The following MMP26 variants were observed in gnomAD, a reference collection of about 807,000 sequenced individuals.
MMP26 encodes matrix metallopeptidase 26.
Under a neutral mutation model 31.0 loss-of-function variants are expected in MMP26, and 33 were observed. The observed-to-expected ratio is 1.06, with a 90% CI of 0.81 to 1.42. The LOEUF (loss-of-function observed/expected upper bound fraction) is 1.42. Ranked by LOEUF, MMP26 falls within the 40% of genes most tolerant of loss-of-function variation. The pLI, the probability that MMP26 is intolerant of heterozygous loss-of-function variation, is 0.00. For missense variants in MMP26, 347 were observed against 316.1 expected, an observed-to-expected ratio of 1.10 and a Z score of -0.74; for synonymous variants, 122 against 114.9, an observed-to-expected ratio of 1.06 and a Z score of -0.40.
chr11:4,769,889 T>G lies in MMP26; in HGVS notation c.-145+2548T>G, dbSNP rs747986964. 8.7e-6 allele frequency: 14 copies of G among 1,610,144 alleles called. No individual in the cohort carries two copies. In the South Asian group the frequency reaches 1.3e-4, roughly 15 times the overall value. The stretch of plus-strand genomic sequence containing the variant: ...GCCGGTCAACAAGAAGGTTGGAAAT[T>G]TAGATGTTGAGTTGCTTAGGATTTC... On this transcript the variant is annotated intron_variant, in intron 2 of 7. Coordinates refer to ENST00000380390, the MANE Select transcript of MMP26 (RefSeq NM_021801.5).
chr11:4,797,615 C>G (rs371891589), intron 2 of MMP26, among the ~76,000 whole-genome samples: 6 of 152,188 alleles, frequency 3.9e-5, no homozygotes, highest in Non-Finnish European at 7.3e-5. Flanking sequence ...CTTTCCCTAA[C>G]CCCTCCCTGT....
At chr11:4,846,412 G>A (rs553388577) in intron 2 of MMP26, among the ~76,000 whole-genome samples, 39 of 152,244 alleles carry the variant, frequency 2.6e-4, no homozygotes, top group African/African-American at 8.9e-4. Flanking sequence ...GAAGGGTAGT[G>A]GGAACCTGGG....
chr11:4,731,839 C>T (rs1470701857), intron 1 of MMP26, among the ~76,000 whole-genome samples: 1 of 152,134 alleles, frequency 6.6e-6, no homozygotes, highest in Non-Finnish European at 1.5e-5. Flanking sequence ...GGTATTGTGT[C>T]TATTCACTAT....
intron 2 of MMP26, among the ~76,000 whole-genome samples, chr11:4,812,925 T>C (rs1488687832): frequency 1.3e-5 from 2 of 152,070 alleles, no homozygotes; most frequent in Non-Finnish European, 1.5e-5. Flanking sequence ...CATAGTAAAT[T>C]TGGCATCCTG....
intron 2 of MMP26, among the ~76,000 whole-genome samples, chr11:4,862,657 C>G (rs1253453735): frequency 1.3e-5 from 2 of 152,116 alleles, no homozygotes; most frequent in African/African-American, 4.8e-5. Context: ...GGGGTGAGAT[C>G]AGGCATGCAA....
chr11:4,804,075 G>A (rs750532090), intron 2 of MMP26: 1 of 1,614,082 alleles, frequency 6.2e-7, no homozygotes, highest in South Asian at 1.1e-5. Context: ...AGAACACCTG[G>A]ATGAGGCAGG....
intron 1 of MMP26, among the ~76,000 whole-genome samples, chr11:4,759,772 A>G (rs774748124): frequency 1.3e-5 from 2 of 152,204 alleles, no homozygotes; most frequent in Non-Finnish European, 2.9e-5. Flanking sequence ...ATCTAATCCA[A>G]GGACAAAAAT....
intron 1 of MMP26, among the ~76,000 whole-genome samples, chr11:4,730,404 AAGAGAG>A (rs59289871): frequency 4.1e-5 from 6 of 145,048 alleles, no homozygotes; most frequent in East Asian, 4.0e-4. Context: ...GTTTCTGGGA[AAGAGAG>A]AGAGAGAGAG....
chr11:4,974,791 C>T (rs533200577), intron 2 of MMP26, among the ~76,000 whole-genome samples: 1 of 152,142 alleles, frequency 6.6e-6, no homozygotes, highest in East Asian at 1.9e-4. Context: ...GGAACGACAT[C>T]ATGTCCTTTG....
chr11:4,874,624 GA>G (rs1850355788), intron 2 of MMP26, among the ~76,000 whole-genome samples: 2 of 151,624 alleles, frequency 1.3e-5, no homozygotes, highest in African/African-American at 4.8e-5. Flanking sequence ...GAGATTCTCA[GA>G]AGGGTTATGA....
At position 4,759,748 on chromosome 11, in the gene MMP26, C is replaced by T. The variant is rs984785630; in HGVS notation, c.-216-7522C>T. On this transcript the variant is annotated intron_variant, in intron 1 of 7. Transcript: ENST00000380390. The stretch of plus-strand genomic sequence containing the variant: ...TATTAGCTTCTTTGGTGTTTTCCAA[C>T]GTAGTGTTTCTTCATCTAATCCAAG... Among the ~76,000 whole-genome samples the T allele has an allele frequency of 3.3e-5, 5 of 152,158 alleles. No individual in the cohort carries two copies. The South Asian group carries it at 6.2e-4, about 19-fold the overall frequency.
chr11:4,771,191 G>A (rs1848713987), intron 2 of MMP26, among the ~76,000 whole-genome samples: 1 of 152,180 alleles, frequency 6.6e-6, no homozygotes, highest in Admixed American at 6.5e-5. Flanking sequence ...AAATGTAGCA[G>A]ATAATGAGAA....
intron 2 of MMP26, among the ~76,000 whole-genome samples, chr11:4,962,681 G>C (rs1846536023): frequency 6.6e-6 from 1 of 152,292 alleles, no homozygotes; most frequent in Non-Finnish European, 1.5e-5. Context: ...TTCGGGTTTA[G>C]CACTTGGTTG....
intron 1 of MMP26, among the ~76,000 whole-genome samples, chr11:4,740,607 C>T (rs372784954): frequency 1.1e-4 from 17 of 151,090 alleles, no homozygotes; most frequent in Non-Finnish European, 2.2e-4. Flanking sequence ...CTCTTGAACC[C>T]GTGAAGCAGA....
intron 1 of MMP26, among the ~76,000 whole-genome samples, chr11:4,727,514 A>T (rs1407853105): frequency 6.6e-6 from 1 of 151,558 alleles, no homozygotes; most frequent in Non-Finnish European, 1.5e-5. Flanking sequence ...CAATCCTAAT[A>T]AAAAAAAATA....
intron 2 of MMP26, among the ~76,000 whole-genome samples, chr11:4,838,078 G>C (rs1044110213): frequency 6.6e-6 from 1 of 151,656 alleles, no homozygotes; most frequent in Non-Finnish European, 1.5e-5. Context: ...AGCACTTTGG[G>C]AGGCTGAGGC....
At chr11:4,840,413 C>T (rs1849778078) in intron 2 of MMP26, among the ~76,000 whole-genome samples, 1 of 152,170 alleles carries the variant, frequency 6.6e-6, no homozygotes, top group African/African-American at 2.4e-5. Flanking sequence ...CCAGCACAGA[C>T]ATACTGGTGG....
chr11:4,805,140 T>G (rs1849249503), intron 2 of MMP26, among the ~76,000 whole-genome samples: 1 of 152,200 alleles, frequency 6.6e-6, no homozygotes, highest in Non-Finnish European at 1.5e-5. Flanking sequence ...GTTAGCCACT[T>G]GGCCAATTTC....
At chr11:4,921,075 G>C (rs79217515) in intron 2 of MMP26, among the ~76,000 whole-genome samples, 2,100 of 152,280 alleles carry the variant, frequency 0.014, 50 homozygotes, top group African/African-American at 0.048. Context: ...AATATCCCAT[G>C]AGCTGAGTAA....
Sources: allele counts gnomAD v4.1 joint callset (sites outside exome capture counted in the v4.1 genomes callset), GRCh38; gene constraint gnomAD v4.1.1; transcripts MANE v1.5; gene names NCBI Gene and HGNC (gene_info 2026-07-23, HGNC 2026-07-21).